The following TACC2 variants were observed in gnomAD, a reference collection of about 807,000 sequenced individuals.
TACC2 encodes transforming acidic coiled-coil-containing protein 2.
Under a neutral mutation model 227.3 loss-of-function variants are expected in TACC2, and 137 were observed. The ratio of observed to expected loss-of-function variants is 0.60; its 90% CI spans 0.52 to 0.69. The LOEUF is 0.69. Among genes scored for constraint, TACC2 ranks in the 30% least tolerant of loss-of-function variants. TACC2 has a pLI of 0.00. For synonymous variants in TACC2, 1,523 were observed against 1,487.5 expected, an observed-to-expected ratio of 1.02 and a Z score of -0.55; for missense variants, 3,470 against 3,694.4, an observed-to-expected ratio of 0.94 and a Z score of 1.57.
At chr10:122,121,550 A>C (rs564906951) in intron 5 of TACC2, among the ~76,000 whole-genome samples, 1 of 152,316 alleles carries the variant, frequency 6.6e-6, no homozygotes, top group African/African-American at 2.4e-5. Flanking sequence ...TCATCTGTGA[A>C]GGCTCCCAGG....
intron 7 of TACC2, among the ~76,000 whole-genome samples, chr10:122,155,384 G>A (rs1187968855): frequency 5.9e-5 from 9 of 152,236 alleles, no homozygotes; most frequent in Non-Finnish European, 8.8e-5. Context: ...GAGGAACTCC[G>A]TGGATTAACA....
At position 122,041,934 on chromosome 10, in the gene TACC2, G is replaced by A. The variant is rs572993274; in HGVS notation, c.34-8504G>A. 3.3e-5 allele frequency among the ~76,000 whole-genome samples: 5 copies of A among 152,166 alleles called. No individual in the cohort carries two copies. In the South Asian group the frequency reaches 8.3e-4, roughly 25 times the overall value. The stretch of plus-strand genomic sequence containing the variant: ...GTGTAAAATGTTAACTTTGGGAGGA[G>A]CTGTTCTTTTCTTTTTTCTTTTCTT... On this transcript the variant is annotated intron_variant, in intron 2 of 22. Transcript: ENST00000369005.
intron 3 of TACC2, among the ~76,000 whole-genome samples, chr10:122,074,514 G>A (rs2078542177): frequency 6.6e-6 from 1 of 152,138 alleles, no homozygotes; most frequent in Non-Finnish European, 1.5e-5. Flanking sequence ...AATAATTGAT[G>A]CAGAATGACC....
At chr10:122,033,029 A>G (rs1279075699) in intron 2 of TACC2, 5 of 1,039,888 alleles carry the variant, frequency 4.8e-6, no homozygotes, top group South Asian at 1.3e-5. Context: ...AAAAACACCA[A>G]AGATTGTCCA....
At chr10:122,035,514 C>T (rs1338316789) in intron 2 of TACC2, among the ~76,000 whole-genome samples, 1 of 152,178 alleles carries the variant, frequency 6.6e-6, no homozygotes, top group African/African-American at 2.4e-5. Context: ...ATGAAGCTTC[C>T]TTATGAGGCG....
chr10:122,149,496 C>T (rs530118719), intron 7 of TACC2, among the ~76,000 whole-genome samples: 2 of 150,106 alleles, frequency 1.3e-5, no homozygotes, highest in Non-Finnish European at 1.5e-5. Flanking sequence ...CCCCCACACT[C>T]CCGGCCCCAC....
rs1048366419 is a variant in TACC2 at position 122,081,990 on chromosome 10, T to G, written c.147-657T>G. 2.6e-5 allele frequency among the ~76,000 whole-genome samples: 4 copies of G among 152,200 alleles called. No individual in the cohort carries two copies. The East Asian group carries it at 7.7e-4, about 29-fold the overall frequency. ...TGCCTGTAATCTTCACAGGACTGGT[T>G]CAAATCCCCTGTTATGATTTACTCT... is the stretch of plus-strand genomic sequence containing the variant. On this transcript the variant is annotated intron_variant, in intron 3 of 22. Transcript: ENST00000369005.
intron 7 of TACC2, among the ~76,000 whole-genome samples, chr10:122,179,831 G>C (rs1192038922): frequency 6.6e-6 from 1 of 152,020 alleles, no homozygotes; most frequent in Non-Finnish European, 1.5e-5. Flanking sequence ...TGTAGTCCCA[G>C]TTATTTGGGA....
At chr10:122,217,110 C>G (rs766516241) in intron 11 of TACC2, among the ~76,000 whole-genome samples, 2 of 152,126 alleles carry the variant, frequency 1.3e-5, no homozygotes, top group African/African-American at 4.8e-5. Context: ...AGCGCCCACT[C>G]GAGCTTTGCC....
At chr10:122,181,582 A>T (rs1209619844) in intron 7 of TACC2, among the ~76,000 whole-genome samples, 1 of 152,208 alleles carries the variant, frequency 6.6e-6, no homozygotes, top group Admixed American at 6.5e-5. Context: ...TAACCTGTCC[A>T]AAGTTACTCA....
At chr10:122,137,700 T>A (rs1320585494) in intron 6 of TACC2, among the ~76,000 whole-genome samples, 1 of 152,194 alleles carries the variant, frequency 6.6e-6, no homozygotes, top group Non-Finnish European at 1.5e-5. Flanking sequence ...CAGAATCACC[T>A]GCTGACAACC....
chr10:121,999,112 G>A (rs184865864), intron 1 of TACC2, among the ~76,000 whole-genome samples: 34 of 151,702 alleles, frequency 2.2e-4, no homozygotes, highest in Non-Finnish European at 4.3e-4. Context: ...AGGTTCAAGC[G>A]ATTCTACTGC....
intron 6 of TACC2, among the ~76,000 whole-genome samples, chr10:122,138,102 T>C (rs1030056798): frequency 2.6e-5 from 4 of 152,226 alleles, no homozygotes; most frequent in African/African-American, 9.6e-5. Flanking sequence ...TATTTTTTTT[T>C]TTTCTGACTG....
At chr10:122,035,161 G>C (rs563647937) in intron 2 of TACC2, among the ~76,000 whole-genome samples, 1 of 152,282 alleles carries the variant, frequency 6.6e-6, no homozygotes, top group African/African-American at 2.4e-5. Flanking sequence ...TCTCACAGAG[G>C]TCTTCCATCG....
At chr10:122,201,795 GATA>G (rs1034238700) in intron 8 of TACC2, among the ~76,000 whole-genome samples, 1 of 152,092 alleles carries the variant, frequency 6.6e-6, no homozygotes, top group African/African-American at 2.4e-5. Context: ...GATGACATTT[GATA>G]ATAATAATAG....
At chr10:121,999,474 C>T (rs11200316) in intron 1 of TACC2, among the ~76,000 whole-genome samples, 20,953 of 152,240 alleles carry the variant, frequency 0.14, 2,074 homozygotes, top group African/African-American at 0.28. Flanking sequence ...AGACAAGCAA[C>T]GCTTGAATCC....
intron 7 of TACC2, among the ~76,000 whole-genome samples, chr10:122,167,178 C>T (rs979289163): frequency 3.3e-5 from 5 of 152,200 alleles, no homozygotes; most frequent in South Asian, 2.1e-4. Flanking sequence ...CGGCCTGCCC[C>T]GACTGTTGCC....
intron 1 of TACC2, among the ~76,000 whole-genome samples, chr10:121,990,118 A>AC (rs1952967924): frequency 6.9e-6 from 1 of 145,046 alleles, no homozygotes; most frequent in Non-Finnish European, 1.5e-5. Flanking sequence ...CCTTCTGTGG[A>AC]TTTTTTTTTT....
chr10:122,099,918 G>T (rs138512629), intron 5 of TACC2, among the ~76,000 whole-genome samples: 1 of 152,194 alleles, frequency 6.6e-6, no homozygotes, highest in Non-Finnish European at 1.5e-5. Flanking sequence ...AGAGGATTCT[G>T]TAAAAATGGA....
Sources: gnomAD v4.1 joint callset for allele counts (sites outside exome capture counted in the v4.1 genomes callset) on GRCh38, gnomAD v4.1.1 for gene constraint, MANE v1.5 for transcripts, NCBI Gene and HGNC (gene_info 2026-07-23, HGNC 2026-07-21) for gene names.